Variants in SLC6A3 observed in about 807,000 individuals in gnomAD.
SLC6A3 encodes solute carrier family 6 member 3.
SLC6A3 carries 19 observed loss-of-function variants against 70.4 expected under a neutral mutation model. That is an observed-to-expected ratio of 0.27 (90% CI 0.19 to 0.40). SLC6A3 has a LOEUF of 0.40. Among genes scored for constraint, SLC6A3 ranks in the 10% least tolerant of loss-of-function variants. The pLI is 1.00. For missense variants in SLC6A3, 613 were observed against 838.5 expected, an observed-to-expected ratio of 0.73 and a Z score of 3.32; for synonymous variants, 368 against 356.6, an observed-to-expected ratio of 1.03 and a Z score of -0.36.
intron 4 of SLC6A3, among the ~76,000 whole-genome samples, chr5:1,425,962 G>A (rs191293128): frequency 6.6e-6 from 1 of 152,212 alleles, no homozygotes; most frequent in East Asian, 1.9e-4. Context: ...AAAATACAAT[G>A]ACAGACCACT....
chr5:1,440,407 A>T lies in SLC6A3; in HGVS notation c.418+952T>A, dbSNP rs1756947149. Among the ~76,000 whole-genome samples, 3 of 152,244 alleles carry T rather than the reference A, an allele frequency of 2.0e-5. No individual in the cohort carries two copies. The East Asian group carries it at 5.8e-4, about 29-fold the overall frequency. ...GATAGATGAATGGATGGATGACTGGATGGGTGGATGAATGGATTGATAGGT... is the reference window on the plus strand; with the variant it reads ...GATAGATGAATGGATGGATGACTGGTTGGGTGGATGAATGGATTGATAGGT... On this transcript the variant is annotated intron_variant, in intron 3 of 14. Transcript: ENST00000270349.
At position 1,408,507 on chromosome 5, in the gene SLC6A3, C is replaced by T. The variant is rs2126337188; in HGVS notation, c.1498+519G>A. Among the ~76,000 whole-genome samples the T allele has an allele frequency of 6.6e-6, 1 of 152,070 alleles. No homozygotes were observed. The highest frequency in any genetic ancestry group is 1.9e-4 in the East Asian group (1 of 5,172). On this transcript the variant is annotated intron_variant, in intron 11 of 14. Coordinates refer to ENST00000270349, the MANE Select transcript of SLC6A3 (RefSeq NM_001044.5). This position sits in a 1 kb window ranked among gnomAD's most constrained non-coding sequence, Gnocchi z 6.4. ...ATGTGGGGAAAGGGCAGCCCTGGCT[C>T]CAGGCTGGGTTTTCTGTTGCTGTTT... is the stretch of plus-strand genomic sequence containing the variant.
chr5:1,419,237 G>C (rs1298233714), intron 6 of SLC6A3, among the ~76,000 whole-genome samples: 1 of 147,060 alleles, frequency 6.8e-6, no homozygotes, highest in East Asian at 2.1e-4. Flanking sequence ...CATCCAGCCA[G>C]CCAGCCTTCC....
At position 1,438,438 on chromosome 5, in the gene SLC6A3, G is replaced by A. The variant is rs1017868997; in HGVS notation, c.418+2921C>T. 9.2e-5 allele frequency among the ~76,000 whole-genome samples: 14 copies of A among 152,208 alleles called. No individual in the cohort carries two copies. Among genetic ancestry groups the A allele is most frequent in the South Asian group, 2.1e-4 (1 of 4,832 alleles). On this transcript the variant is annotated intron_variant, in intron 3 of 14. Transcript: ENST00000270349. This position sits in a 1 kb window ranked among gnomAD's most constrained non-coding sequence, Gnocchi z 6.5. ...ACACGATGATATGCCCACATCCGCC[G>A]GCTGCATTTCTTCAGAACGAGGTGC...
rs987656366 is a variant in SLC6A3, at chr5:1,437,577, G to A, written c.418+3782C>T. 6.6e-6 allele frequency among the ~76,000 whole-genome samples: 1 copy of A among 152,262 alleles called. No homozygotes were observed. The highest frequency in any genetic ancestry group is 1.5e-5 in the Non-Finnish European group (1 of 68,044). On this transcript the variant is annotated intron_variant, in intron 3 of 14. Transcript: ENST00000270349. This position sits in a 1 kb window ranked among gnomAD's most constrained non-coding sequence, Gnocchi z 4.8. ...GAAGGCCCCAGAGGCCCCTCTGGCT[G>A]TGGTGCCCATCCCAAGCTGCTCTGG...
chr5:1,428,530 G>A (rs1480498152), intron 4 of SLC6A3, among the ~76,000 whole-genome samples: 1 of 152,166 alleles, frequency 6.6e-6, no homozygotes. Flanking sequence ...ATAATCTCCA[G>A]GTTCCTACAA....
In SLC6A3 at chr5:1,394,701, G is replaced by A; in HGVS notation, c.*34C>T. 6.2e-7 allele frequency: 1 copy of A among 1,610,266 alleles called. No homozygotes were observed. Among genetic ancestry groups the A allele is most frequent in the Non-Finnish European group, 8.5e-7 (1 of 1,176,544 alleles). On this transcript the variant is annotated 3_prime_UTR_variant, in exon 15 of 15. Transcript: ENST00000270349. This position sits in a 1 kb window ranked among gnomAD's most constrained non-coding sequence, Gnocchi z 4.7. ...GTTTGTTCGTGTCTCTCCCATTGCA[G>A]GATGACTTCCTGGGGTCTTCGTCTC...
rs1410627002 is a variant in SLC6A3 at position 1,401,497 on chromosome 5, C to G, written c.1768-511G>C. Among the ~76,000 whole-genome samples, 2 of 152,198 alleles carry G rather than the reference C, an allele frequency of 1.3e-5. No homozygotes were observed. Among genetic ancestry groups the G allele is most frequent in the Non-Finnish European group, 2.9e-5 (2 of 68,032 alleles). ...GCAGCTCCTGGGGCCTGGACAGCACCAAGTCCTCCCAGAGCAGGCAGCATC... is the reference window on the plus strand; with the variant it reads ...GCAGCTCCTGGGGCCTGGACAGCACGAAGTCCTCCCAGAGCAGGCAGCATC... On this transcript the variant is annotated intron_variant, in intron 13 of 14. Transcript: ENST00000270349. This position sits in a 1 kb window ranked among gnomAD's most constrained non-coding sequence, Gnocchi z 6.1.
chr5:1,412,959 A>G (rs1263133360), intron 8 of SLC6A3, among the ~76,000 whole-genome samples: 1 of 152,198 alleles, frequency 6.6e-6, no homozygotes, highest in Non-Finnish European at 1.5e-5. Flanking sequence ...CTTAGATGGT[A>G]CCAGCCAGGA....
Position 1,413,484 on chromosome 5 carries a change from G to A in SLC6A3, c.1156+1207C>T, listed in dbSNP as rs903664417. ...AGGCTGCCCCCGCTTGGTGCTTGTC[G>A]CTCCCCGCCTTCACTGAGCCTCAAC... On this transcript the variant is annotated intron_variant, in intron 8 of 14. Transcript: ENST00000270349. The surrounding 1 kb of genome is among the most constrained non-coding windows in gnomAD (Gnocchi z 7.1). Among the ~76,000 whole-genome samples the A allele has an allele frequency of 6.6e-6, 1 of 152,162 alleles. No homozygotes were observed. Among genetic ancestry groups the A allele is most frequent in the African/African-American group, 2.4e-5 (1 of 41,428 alleles).
At chr5:1,424,401 T>A (rs571277808) in intron 4 of SLC6A3, among the ~76,000 whole-genome samples, 15 of 152,164 alleles carry the variant, frequency 9.9e-5, no homozygotes, top group African/African-American at 3.6e-4. Context: ...CCCAGCAAGG[T>A]CTCATCACTG....
chr5:1,400,743 C>G (rs531760835), intron 14 of SLC6A3, among the ~76,000 whole-genome samples, 172 bp downstream of exon 14: 12 of 152,314 alleles, frequency 7.9e-5, no homozygotes, highest in African/African-American at 2.9e-4. Flanking sequence ...CCCGGGCACA[C>G]GTCTCCACTG....
chr5:1,424,909 C>G (rs1017296117), intron 4 of SLC6A3, among the ~76,000 whole-genome samples: 1 of 152,242 alleles, frequency 6.6e-6, no homozygotes, highest in African/African-American at 2.4e-5. Flanking sequence ...GAGCTGACCA[C>G]AGCATGGGAA....
At chr5:1,429,664 G>C (rs944119520) in intron 4 of SLC6A3, among the ~76,000 whole-genome samples, 7 of 152,238 alleles carry the variant, frequency 4.6e-5, no homozygotes, top group Non-Finnish European at 8.8e-5. Flanking sequence ...CCACATGGCA[G>C]CACTTGGCAG....
At chr5:1,422,516 C>T (rs1384232293) in intron 4 of SLC6A3, among the ~76,000 whole-genome samples, 5 of 142,938 alleles carry the variant, frequency 3.5e-5, no homozygotes, top group Non-Finnish European at 7.7e-5. Context: ...GGGTGCCCAC[C>T]GCTGCCCACA....
intron 3 of SLC6A3, among the ~76,000 whole-genome samples, chr5:1,435,335 T>C (rs1756804217): frequency 6.6e-6 from 1 of 152,196 alleles, no homozygotes; most frequent in South Asian, 2.1e-4. Context: ...GGATGCCCAA[T>C]TTGAAAATTT....
intron 3 of SLC6A3, among the ~76,000 whole-genome samples, chr5:1,435,450 C>T (rs1261884199): frequency 6.6e-6 from 1 of 152,244 alleles, no homozygotes; most frequent in African/African-American, 2.4e-5. Context: ...GAAGGAAGGG[C>T]TGAGTGTACC....
chr5:1,410,079 G>A (rs985771517), intron 9 of SLC6A3, among the ~76,000 whole-genome samples: 4 of 152,264 alleles, frequency 2.6e-5, no homozygotes, highest in African/African-American at 9.6e-5. Flanking sequence ...TGTATCCACG[G>A]TAGGGGGTTT....
At chr5:1,434,464 G>T (rs1470144802) in intron 3 of SLC6A3, among the ~76,000 whole-genome samples, 2 of 152,202 alleles carry the variant, frequency 1.3e-5, no homozygotes, top group African/African-American at 4.8e-5. Flanking sequence ...CTGGTAAACT[G>T]GAACAGAACT....
Sources: allele counts gnomAD v4.1 joint callset (sites outside exome capture counted in the v4.1 genomes callset), GRCh38; gene constraint gnomAD v4.1.1; non-coding constraint Gnocchi (gnomAD v3.1); transcripts MANE v1.5; gene names NCBI Gene and HGNC (gene_info 2026-07-23, HGNC 2026-07-21).